The following DPYD variants were observed in gnomAD, a reference collection of about 807,000 sequenced individuals.
DPYD encodes dihydropyrimidine dehydrogenase.
Under a neutral mutation model 116.2 loss-of-function variants are expected in DPYD, and 109 were observed. The ratio of observed to expected loss-of-function variants is 0.94; its 90% CI spans 0.80 to 1.10. DPYD has a LOEUF of 1.10. DPYD is among the 50% of genes least tolerant of loss of function. DPYD has a pLI of 0.00. For missense variants in DPYD, 1,302 were observed against 1,254.5 expected, an observed-to-expected ratio of 1.04 and a Z score of -0.57; for synonymous variants, 440 against 432.0, an observed-to-expected ratio of 1.02 and a Z score of -0.23.
In DPYD at chr1:97,886,990, C is replaced by T. The variant is rs1571532265; in HGVS notation, c.40-3616G>A. ...ACAGCAAAAGTAATAAAGAAATCAA[C>T]CAGAAGCCACTGGAACTAAGATCTG... On this transcript the variant is annotated intron_variant, in intron 1 of 22. Transcript: ENST00000370192. Among the ~76,000 whole-genome samples the T allele has an allele frequency of 5.3e-5, 8 of 151,976 alleles. 2 individuals are homozygous for T. Among genetic ancestry groups the T allele is most frequent in the Admixed American group, 4.6e-4 (7 of 15,252 alleles).
chr1:97,853,658 C>T (rs1670673380), intron 2 of DPYD, among the ~76,000 whole-genome samples: 1 of 152,166 alleles, frequency 6.6e-6, no homozygotes, highest in Admixed American at 6.5e-5. Context: ...ATGTTTTACA[C>T]ATCATCTTCA....
chr1:97,705,281 G>A (rs575322923), intron 5 of DPYD, among the ~76,000 whole-genome samples: 9 of 151,514 alleles, frequency 5.9e-5, no homozygotes, highest in South Asian at 2.1e-4. Flanking sequence ...ATCCCTCCCC[G>A]CTCCCCCCAA....
chr1:97,503,065 AC>A (rs1180236496), intron 13 of DPYD, among the ~76,000 whole-genome samples: 1 of 152,110 alleles, frequency 6.6e-6, no homozygotes, highest in African/African-American at 2.4e-5. Flanking sequence ...CACTATGAAA[AC>A]CATAATTTAA....
chr1:97,886,840 C>A (rs1474923563), intron 1 of DPYD, among the ~76,000 whole-genome samples: 1 of 151,866 alleles, frequency 6.6e-6, no homozygotes, highest in Non-Finnish European at 1.5e-5. Flanking sequence ...AAGGGAAACC[C>A]AGGGAAAGAA....
chr1:97,175,076 T>C (rs1461910941), intron 20 of DPYD, among the ~76,000 whole-genome samples: 1 of 152,184 alleles, frequency 6.6e-6, no homozygotes, highest in African/African-American at 2.4e-5. Flanking sequence ...GAAAGATACC[T>C]AGAAGTAGAA....
chr1:97,821,362 G>A (rs1668924948), intron 3 of DPYD, among the ~76,000 whole-genome samples: 1 of 147,128 alleles, frequency 6.8e-6, no homozygotes, highest in Admixed American at 6.8e-5. Flanking sequence ...ACAACACAAT[G>A]TTAAAAGTGG....
intron 16 of DPYD, among the ~76,000 whole-genome samples, chr1:97,348,350 T>C (rs1669964841): frequency 2.0e-5 from 3 of 152,296 alleles, no homozygotes; most frequent in South Asian, 4.1e-4. Context: ...ACATAAGCTC[T>C]TTGGGAACAC....
At chr1:97,775,482 A>C (rs556657692) in intron 3 of DPYD, among the ~76,000 whole-genome samples, 1 of 152,320 alleles carries the variant, frequency 6.6e-6, no homozygotes, top group East Asian at 1.9e-4. Context: ...ATAGTAAACT[A>C]GGAAAATAAA....
chr1:97,578,035 G>A (rs1653389730), intron 10 of DPYD, among the ~76,000 whole-genome samples: 2 of 151,754 alleles, frequency 1.3e-5, no homozygotes, highest in East Asian at 1.9e-4. Flanking sequence ...TAGTAGAGAC[G>A]GGGTTTCACT....
At chr1:97,799,342 G>T (rs1667739654) in intron 3 of DPYD, among the ~76,000 whole-genome samples, 1 of 151,878 alleles carries the variant, frequency 6.6e-6, no homozygotes, top group South Asian at 2.1e-4. Flanking sequence ...TATTTCTTGA[G>T]AAACACAAAT....
At chr1:97,261,496 T>A in intron 18 of DPYD, among the ~76,000 whole-genome samples, 1 of 72,118 alleles carries the variant, frequency 1.4e-5, no homozygotes, top group East Asian at 3.4e-4. Flanking sequence ...TATGCATCTT[T>A]TTTTTTTTTT....
chr1:97,337,047 T>A (rs1221547734), intron 16 of DPYD, among the ~76,000 whole-genome samples: 1 of 151,634 alleles, frequency 6.6e-6, no homozygotes, highest in Non-Finnish European at 1.5e-5. Context: ...ACAGAAAGAG[T>A]TTGGAGAGTG....
chr1:97,286,204 T>C (rs1374485011), intron 18 of DPYD, among the ~76,000 whole-genome samples: 2 of 152,120 alleles, frequency 1.3e-5, no homozygotes, highest in Non-Finnish European at 2.9e-5. Context: ...GATATGAAAT[T>C]CTGGGTTGAA....
chr1:97,120,023 G>A (rs777381946), intron 20 of DPYD, among the ~76,000 whole-genome samples: 14 of 152,124 alleles, frequency 9.2e-5, no homozygotes, highest in Non-Finnish European at 1.8e-4. Flanking sequence ...AGAGGGAGAG[G>A]CAGGGTTGGC....
At chr1:97,510,736 T>C (rs1647725645) in intron 13 of DPYD, among the ~76,000 whole-genome samples, 1 of 152,004 alleles carries the variant, frequency 6.6e-6, no homozygotes, top group Non-Finnish European at 1.5e-5. Flanking sequence ...ACCTACTTCA[T>C]GAACATACAT....
chr1:97,484,695 T>C (rs2101889566), intron 13 of DPYD, among the ~76,000 whole-genome samples: 1 of 152,352 alleles, frequency 6.6e-6, no homozygotes, highest in East Asian at 1.9e-4. Context: ...TTCTGTCATT[T>C]TGTTCTTCTT....
chr1:97,497,639 C>T (rs1353363191), intron 13 of DPYD, among the ~76,000 whole-genome samples: 1 of 151,714 alleles, frequency 6.6e-6, no homozygotes, highest in African/African-American at 2.4e-5. Context: ...CAACTTCATA[C>T]CCACTATGAA....
chr1:97,913,913 T>G (rs554286755), intron 1 of DPYD, among the ~76,000 whole-genome samples: 70 of 151,474 alleles, frequency 4.6e-4, no homozygotes, highest in African/African-American at 1.3e-3. Context: ...AGGCCTGGAG[T>G]TGACATGTAA....
At chr1:97,854,998 C>G (rs1004504925) in intron 2 of DPYD, 5 of 152,166 alleles carry the variant, frequency 3.3e-5, no homozygotes, top group African/African-American at 1.2e-4. Context: ...ATCACCTCAG[C>G]CTCCTGCATA....
Sources: allele counts gnomAD v4.1 joint callset (sites outside exome capture counted in the v4.1 genomes callset), GRCh38; gene constraint gnomAD v4.1.1; transcripts MANE v1.5; gene names NCBI Gene and HGNC (gene_info 2026-07-23, HGNC 2026-07-21).